Variants in LRGUK observed in about 807,000 individuals in gnomAD.
LRGUK encodes leucine-rich repeat and guanylate kinase domain-containing protein.
In LRGUK, 65 loss-of-function variants were observed where a neutral mutation model predicts 76.0. That is an observed-to-expected ratio of 0.85 (90% CI 0.70 to 1.05). LRGUK has a LOEUF of 1.05. Among genes scored for constraint, LRGUK ranks in the 50% least tolerant of loss-of-function variants. The pLI is 0.00. For missense variants in LRGUK, 758 were observed against 732.8 expected, an observed-to-expected ratio of 1.03 and a Z score of -0.40; for synonymous variants, 268 against 265.6, an observed-to-expected ratio of 1.01 and a Z score of -0.09.
At chr7:134,127,934 G>A (rs1013047652) in intron 1 of LRGUK, among the ~76,000 whole-genome samples, 3 of 151,536 alleles carry the variant, frequency 2.0e-5, no homozygotes, top group African/African-American at 7.3e-5. Flanking sequence ...GCGTCACTTT[G>A]TAAGAGTGTC....
intron 19 of LRGUK, 121 bp downstream of exon 19, chr7:134,258,526 C>T: frequency 1.1e-6 from 1 of 878,028 alleles, no homozygotes; most frequent in East Asian, 2.9e-5. Context: ...TGTGAAACCC[C>T]ATCTCTACTA....
intron 7 of LRGUK, among the ~76,000 whole-genome samples, chr7:134,166,856 C>A (rs150240036): frequency 3.3e-5 from 5 of 152,308 alleles, no homozygotes; most frequent in Admixed American, 6.5e-5. Context: ...TGCATTACCC[C>A]CCTCTTCACT....
intron 6 of LRGUK, among the ~76,000 whole-genome samples, 175 bp downstream of exon 6, chr7:134,158,334 G>A (rs1287030353): frequency 6.6e-6 from 1 of 151,040 alleles, no homozygotes; most frequent in Non-Finnish European, 1.5e-5. Context: ...GTGTGGTTGT[G>A]AGAGAGAGAG....
intron 10 of LRGUK, among the ~76,000 whole-genome samples, chr7:134,181,574 T>G (rs1799753486): frequency 6.6e-6 from 1 of 152,146 alleles, no homozygotes. Context: ...TTTTGAAGTA[T>G]AGCCTCTGTT....
chr7:134,129,215 TC>T (rs890796191), intron 1 of LRGUK, among the ~76,000 whole-genome samples: 1 of 109,618 alleles, frequency 9.1e-6, no homozygotes, highest in Non-Finnish European at 1.9e-5. Context: ...CCTTCCTGCC[TC>T]CCCCTCTCTC....
At chr7:134,275,632 T>C in the LRGUK span, among the ~76,000 whole-genome samples, 2 of 152,196 alleles carry the variant, frequency 1.3e-5, no homozygotes, top group African/African-American at 2.4e-5. Flanking sequence ...TTGAAGTTTT[T>C]TCCTGGATTT....
At position 134,261,245 on chromosome 7, in the gene LRGUK, A is replaced by G. The variant is rs1000342218; in HGVS notation, c.2348-2600A>G. Among the ~76,000 whole-genome samples, 18 of 152,050 alleles carry G rather than the reference A, an allele frequency of 1.2e-4. No homozygotes were observed. In the East Asian group the frequency reaches 1.7e-3, roughly 15 times the overall value. ...GTCAAACTCTCATGTCTTTTTTTAC[A>G]TGAACTGTCAAACTAGGTCTCCATC... On this transcript the variant is annotated intron_variant, in intron 19 of 19. Coordinates refer to the LRGUK transcript ENST00000285928.
intron 2 of LRGUK, among the ~76,000 whole-genome samples, 175 bp downstream of exon 2, chr7:134,137,305 C>T (rs1028946375): frequency 6.6e-6 from 1 of 152,174 alleles, no homozygotes; most frequent in African/African-American, 2.4e-5. Context: ...GAGCCCTGAC[C>T]AATTCAGTAA....
chr7:134,240,240 A>G (rs1802110595), intron 16 of LRGUK, among the ~76,000 whole-genome samples: 1 of 152,072 alleles, frequency 6.6e-6, no homozygotes, highest in African/African-American at 2.4e-5. Flanking sequence ...ATGATCGGTA[A>G]TAACAAACTT....
intron 7 of LRGUK, among the ~76,000 whole-genome samples, chr7:134,169,965 G>C (rs73159164): frequency 0.057 from 8,684 of 152,104 alleles, 352 homozygotes; most frequent in Non-Finnish European, 0.084. Flanking sequence ...CCTACCAGCA[G>C]TATATGAAGT....
At chr7:134,137,300 C>T (rs2116823600) in intron 2 of LRGUK, among the ~76,000 whole-genome samples, 170 bp downstream of exon 2, 1 of 152,296 alleles carries the variant, frequency 6.6e-6, no homozygotes, top group East Asian at 1.9e-4. Context: ...TCAAAGAGCC[C>T]TGACCAATTC....
chr7:134,156,484 A>T (rs531995641), intron 5 of LRGUK, among the ~76,000 whole-genome samples: 1 of 152,302 alleles, frequency 6.6e-6, no homozygotes, highest in East Asian at 1.9e-4. Flanking sequence ...AAAAAATAAG[A>T]AAAAAGTGGG....
chr7:134,231,590 T>C (rs1330922682), intron 16 of LRGUK, among the ~76,000 whole-genome samples: 10 of 115,882 alleles, frequency 8.6e-5, no homozygotes, highest in African/African-American at 3.6e-4. Flanking sequence ...CTCCCTCCCT[T>C]CCTCCCTTCC....
At chr7:134,151,465 C>T (rs1455910731) in intron 5 of LRGUK, among the ~76,000 whole-genome samples, 2 of 151,994 alleles carry the variant, frequency 1.3e-5, no homozygotes, top group Non-Finnish European at 2.9e-5. Flanking sequence ...CCCAAATTTT[C>T]AAAACAGACC....
At chr7:134,208,094 G>C (rs1801082287) in intron 15 of LRGUK, among the ~76,000 whole-genome samples, 1 of 152,162 alleles carries the variant, frequency 6.6e-6, no homozygotes, top group African/African-American at 2.4e-5. Context: ...ATAGCAGCCT[G>C]GATGGGGGTC....
chr7:134,252,977 A>C (rs1802484653), intron 18 of LRGUK, among the ~76,000 whole-genome samples: 1 of 152,184 alleles, frequency 6.6e-6, no homozygotes, highest in South Asian at 2.1e-4. Flanking sequence ...AGATGCCTTC[A>C]TTTAAATGGC....
intron 7 of LRGUK, among the ~76,000 whole-genome samples, chr7:134,165,716 G>A (rs570721520): frequency 6.6e-6 from 1 of 152,060 alleles, no homozygotes; most frequent in East Asian, 1.9e-4. Flanking sequence ...CTTAAAGTAT[G>A]TCTCAATTCA....
chr7:134,171,388 C>G (rs1799240555), intron 7 of LRGUK, among the ~76,000 whole-genome samples: 1 of 151,296 alleles, frequency 6.6e-6, no homozygotes, highest in Non-Finnish European at 1.5e-5. Flanking sequence ...TCTAAGACGA[C>G]AAATATATAT....
chr7:134,180,237 G>C (rs1424066164), intron 10 of LRGUK, among the ~76,000 whole-genome samples: 1 of 152,088 alleles, frequency 6.6e-6, no homozygotes, highest in East Asian at 1.9e-4. Flanking sequence ...CATTTATTTA[G>C]AGGCCTTTTA....
Sources: gnomAD v4.1 joint callset for allele counts (sites outside exome capture counted in the v4.1 genomes callset) on GRCh38, gnomAD v4.1.1 for gene constraint, MANE v1.5 for transcripts, NCBI Gene and HGNC (gene_info 2026-07-23, HGNC 2026-07-21) for gene names.